Variants in ANAPC13 observed in about 807,000 individuals in gnomAD.
ANAPC13 encodes the protein anaphase promoting complex subunit 13.
A neutral mutation model predicts 9.6 loss-of-function variants in ANAPC13; 9 were observed. The ratio of observed to expected loss-of-function variants is 0.94; its 90% confidence interval spans 0.57 to 1.64. The LOEUF (loss-of-function observed/expected upper bound fraction) is 1.64. Among genes scored for constraint, ANAPC13 ranks in the 40% most tolerant of loss-of-function variants. The pLI is 0.00. For synonymous variants in ANAPC13, 30 were observed against 29.7 expected (o/e 1.01, Z -0.03); for missense variants, 75 against 85.3 (o/e 0.88, Z 0.48).
At chr3:134,479,874 G>C (rs1934697925) in intron 2 of ANAPC13, among the ~76,000 whole-genome samples, 1 of 152,116 alleles carries the variant, frequency 6.6e-6, no homozygotes, top group South Asian at 2.1e-4. Flanking sequence ...TATTACTACT[G>C]AAACTCTGCT....
In ANAPC13 at chr3:134,478,609, A is replaced by G. The variant is rs908949263; in HGVS notation, c.206T>C (p.Val69Ala). Residue 69 changes from valine (V) to alanine (A), a missense_variant, in exon 3 of 3, where the codon GTT (valine) becomes GCT (alanine). Physicochemically the swap from Val to Ala is moderately conservative, Grantham distance 64. Transcript: ENST00000354910. Reference protein sequence around the residue: ...DLALQYLHENVPPIGN With the variant: ...DLALQYLHENAPPIGN ...CAAGCGTCAGTTTCCAATGGGGGGA[A>G]CATTCTCATGGAGGTACTGTAAGGC... 2.5e-6 allele frequency: 4 copies of G among 1,613,722 alleles called. No homozygotes were observed. Among genetic ancestry groups the G allele is most frequent in the Admixed American group, 1.7e-5 (1 of 59,858 alleles).
At chr3:134,480,826 A>T (rs1189586596) in intron 2 of ANAPC13, among the ~76,000 whole-genome samples, 2 of 152,220 alleles carry the variant, frequency 1.3e-5, no homozygotes, top group Non-Finnish European at 2.9e-5. Flanking sequence ...CTCCCAGCTG[A>T]GCTACAAAAT....
chr3:134,482,721 G>C lies in ANAPC13; in HGVS notation c.99+85C>G, dbSNP rs913470806. 3.5e-5 allele frequency: 38 copies of C among 1,094,930 alleles called. No individual in the cohort carries two copies. In the African/African-American group the frequency reaches 5.7e-4, roughly 16 times the overall value. The allele number at this position is 1,094,930 out of a possible 1,614,324, so 67.8% of individuals were successfully genotyped here. On this transcript the variant is annotated intron_variant, in intron 2 of 2. Transcript: ENST00000354910. Reference sequence around the variant, plus strand: ...CAGCTTTGATTTCTTTGCCACACTAGTTTATCTTCCATTGATATCCCTCCT... The same window carrying C: ...CAGCTTTGATTTCTTTGCCACACTACTTTATCTTCCATTGATATCCCTCCT...
intron 2 of ANAPC13, among the ~76,000 whole-genome samples, chr3:134,481,120 A>G (rs1934723790): frequency 6.6e-6 from 1 of 152,186 alleles, no homozygotes; most frequent in Non-Finnish European, 1.5e-5. Flanking sequence ...AGACCACAAC[A>G]GCTTGCCAAT....
intron 2 of ANAPC13, among the ~76,000 whole-genome samples, chr3:134,480,869 A>G (rs1284250407): frequency 2.6e-5 from 4 of 152,210 alleles, no homozygotes; most frequent in Admixed American, 2.0e-4. Context: ...TTAAGTCACT[A>G]AGCTTTGGGG....
At chr3:134,479,260 C>T (rs1016138322) in intron 2 of ANAPC13, among the ~76,000 whole-genome samples, 4 of 152,088 alleles carry the variant, frequency 2.6e-5, no homozygotes, top group African/African-American at 9.7e-5. Flanking sequence ...TTAGCGGGAG[C>T]GTGCTTTAAA....
At chr3:134,480,425 G>C (rs1934710265) in intron 2 of ANAPC13, among the ~76,000 whole-genome samples, 1 of 152,186 alleles carries the variant, frequency 6.6e-6, no homozygotes, top group Non-Finnish European at 1.5e-5. Context: ...ACCCATTATG[G>C]TGTACTGTAA....
intron 2 of ANAPC13, among the ~76,000 whole-genome samples, chr3:134,479,117 G>A (rs1934676933): frequency 2.0e-5 from 3 of 152,150 alleles, no homozygotes; most frequent in Non-Finnish European, 4.4e-5. Flanking sequence ...CACCTCACAG[G>A]ACTACTGTAA....
At chr3:134,480,711 ATG>A (rs1240087459) in intron 2 of ANAPC13, among the ~76,000 whole-genome samples, 3 of 152,234 alleles carry the variant, frequency 2.0e-5, no homozygotes, top group Non-Finnish European at 2.9e-5. Flanking sequence ...ACTGCCAGAC[ATG>A]TGAGACAGTC....
chr3:134,482,556 C>T (rs962766533), intron 2 of ANAPC13, among the ~76,000 whole-genome samples: 3 of 152,220 alleles, frequency 2.0e-5, no homozygotes, highest in Non-Finnish European at 4.4e-5. Flanking sequence ...GTGGACAGAA[C>T]ATGGCTCAGA....
chr3:134,478,366 C>A lies in ANAPC13; in HGVS notation c.*224G>T. On this transcript the variant is annotated 3_prime_UTR_variant, in exon 3 of 3. Transcript: ENST00000354910. ...TTAACCAATCATGTTCAAATATAAG[C>A]TACTCAATGAAGAGTTTTAGGTTTA... 1 of 522,832 alleles carries A rather than the reference C, an allele frequency of 1.9e-6. No individual in the cohort carries two copies. The highest frequency in any genetic ancestry group is 3.3e-6 in the Non-Finnish European group (1 of 304,442). 32.4% of individuals were successfully genotyped at this position (522,832 alleles called of 1,614,324 possible). A position where few individuals can be genotyped will look rare whatever the true frequency, so the allele number is the denominator to read the frequency against.
rs764127629 is a variant in ANAPC13 at position 134,482,815 on chromosome 3, T to C, written c.90A>G (p.Ala30=). Residue 30 remains alanine, a synonymous_variant, in exon 2 of 3, where the codon GCA becomes GCG. Coordinates refer to ENST00000354910, the MANE Select transcript of ANAPC13 (RefSeq NM_015391.4). ...TCAAATCATAACCTACCAGTGGTAT[T>C]GCGACATCCTCATAAGGCAGCTTGT... is the stretch of plus-strand genomic sequence containing the variant. The part of the protein sequence containing the change: ...REDKLPYEDV[A]IPLNELPEPE... 6.2e-7 allele frequency: 1 copy of C among 1,614,110 alleles called. No individual in the cohort carries two copies. The highest frequency in any genetic ancestry group is 8.5e-7 in the Non-Finnish European group (1 of 1,179,956).
At chr3:134,485,135 G>A (rs971044702) in intron 1 of ANAPC13, among the ~76,000 whole-genome samples, 1 of 152,158 alleles carries the variant, frequency 6.6e-6, no homozygotes, top group Admixed American at 6.5e-5. Context: ...AGCTCTTGAA[G>A]GTCAACATCC....
In ANAPC13 at chr3:134,478,553, CT is replaced by C. The variant is rs1170047566; in HGVS notation, c.*36del. Reference sequence around the variant, plus strand: ...AAACAAACCATGCTTTATCTGTGTACTTTGAGAAAATCCATCCACAAGAAAG... The same window carrying C: ...AAACAAACCATGCTTTATCTGTGTACTTGAGAAAATCCATCCACAAGAAAG... On this transcript the variant is annotated 3_prime_UTR_variant, in exon 3 of 3. Coordinates refer to ENST00000354910, the MANE Select transcript of ANAPC13 (RefSeq NM_015391.4). 1 of 1,604,584 alleles carries C rather than the reference CT, an allele frequency of 6.2e-7. No homozygotes were observed. Among genetic ancestry groups the C allele is most frequent in the Non-Finnish European group, 8.5e-7 (1 of 1,176,102 alleles).
rs1230098286 is a variant in ANAPC13 at position 134,482,576 on chromosome 3, C to T, written c.99+230G>A. On this transcript the variant is annotated intron_variant, in intron 2 of 2. Transcript: ENST00000354910. ...CAGAACATGGCTCAGAAAATCGGGG[C>T]TCTAGTCCTGGCATGACTCCTAACT... Among the ~76,000 whole-genome samples, 5 of 152,306 alleles carry T rather than the reference C, an allele frequency of 3.3e-5. No individual in the cohort carries two copies. In the East Asian group the frequency reaches 9.6e-4, roughly 29 times the overall value.
Position 134,478,381 on chromosome 3 carries a change from T to G in ANAPC13, c.*209A>C, listed in dbSNP as rs902081389. ...CAAATATAAGCTACTCAATGAAGAG[T>G]TTTAGGTTTAAAGAGCGAAATATTC... is the stretch of plus-strand genomic sequence containing the variant. On this transcript the variant is annotated 3_prime_UTR_variant, in exon 3 of 3. Transcript: ENST00000354910. The G allele has an allele frequency of 8.4e-6, 5 of 597,138 alleles. No individual in the cohort carries two copies. Among genetic ancestry groups the G allele is most frequent in the Non-Finnish European group, 1.4e-5 (5 of 351,230 alleles). The allele number at this position is 597,138 out of a possible 1,614,324, so 37.0% of individuals were successfully genotyped here.
chr3:134,480,998 ACCT>A (rs1208502671), intron 2 of ANAPC13, among the ~76,000 whole-genome samples: 1 of 151,658 alleles, frequency 6.6e-6, no homozygotes, highest in African/African-American at 2.4e-5. Context: ...CAGCAGGGAA[ACCT>A]CCTTCCACCC....
At chr3:134,482,505 G>A (rs751847598) in intron 2 of ANAPC13, among the ~76,000 whole-genome samples, 6 of 152,156 alleles carry the variant, frequency 3.9e-5, no homozygotes, top group Non-Finnish European at 8.8e-5. Flanking sequence ...CCCATCTTGC[G>A]CATTAAACTC....
chr3:134,485,489 C>T (rs897594100), intron 1 of ANAPC13: 1 of 152,288 alleles, frequency 6.6e-6, no homozygotes, highest in African/African-American at 2.4e-5. Context: ...TCACAGTTCC[C>T]TAAGCACAGA....
Sources: gnomAD v4.1 joint callset for allele counts (sites outside exome capture counted in the v4.1 genomes callset) on GRCh38, gnomAD v4.1.1 for gene constraint, MANE v1.5 for transcripts, NCBI Gene and HGNC (gene_info 2026-07-23, HGNC 2026-07-21) for gene names.